RBMS3: variants seen among roughly 807,000 people sequenced by gnomAD.
RBMS3 encodes the protein RNA binding motif single stranded interacting protein 3.
RBMS3 carries 27 observed loss-of-function variants against 66.8 expected under a neutral mutation model. The ratio of observed to expected loss-of-function variants is 0.40; its 90% confidence interval spans 0.30 to 0.56. RBMS3 has a LOEUF of 0.56. Among genes scored for constraint, RBMS3 ranks in the 20% least tolerant of loss-of-function variants. The probability of loss-of-function intolerance (pLI) is 0.40; values close to 1 mark genes in which losing one functional copy is unlikely to be tolerated. For synonymous variants in RBMS3, 188 were observed against 183.0 expected (o/e 1.03, Z -0.22); for missense variants, 513 against 549.5 (o/e 0.93, Z 0.66).
intron 8 of RBMS3, among the ~76,000 whole-genome samples, chr3:29,886,289 T>G (rs2059868430): frequency 6.6e-6 from 1 of 151,898 alleles, no homozygotes. Context: ...TATGGATTAT[T>G]TCATTTATTT....
At chr3:29,400,672 G>T (rs2039769074) in intron 1 of RBMS3, among the ~76,000 whole-genome samples, 1 of 151,978 alleles carries the variant, frequency 6.6e-6, no homozygotes, top group Non-Finnish European at 1.5e-5. Context: ...CTTAAACCAG[G>T]TGGCATAGTG....
intron 5 of RBMS3, 91 bp from the exon 6 acceptor site, chr3:29,762,819 G>A: frequency 2.3e-6 from 2 of 884,886 alleles, no homozygotes; most frequent in Non-Finnish European, 3.5e-6. Flanking sequence ...CTCAAATCAA[G>A]TATTTCTATG....
chr3:29,288,482 A>G (rs1158737577), intron 1 of RBMS3, among the ~76,000 whole-genome samples: 1 of 151,950 alleles, frequency 6.6e-6, no homozygotes, highest in African/African-American at 2.4e-5. Context: ...TTCCAGCTTT[A>G]TTGTGGTGGT....
chr3:29,284,904 G>T (rs1440951390), intron 1 of RBMS3, among the ~76,000 whole-genome samples: 1 of 130,008 alleles, frequency 7.7e-6, no homozygotes, highest in East Asian at 2.2e-4. Context: ...GCAATTTCAA[G>T]GAGGAACATT....
At chr3:29,634,475 T>G (rs1200997692) in intron 4 of RBMS3, among the ~76,000 whole-genome samples, 1 of 151,820 alleles carries the variant, frequency 6.6e-6, no homozygotes, top group Non-Finnish European at 1.5e-5. Context: ...CAAGCCTTGT[T>G]TTTCTGGAAA....
intron 4 of RBMS3, among the ~76,000 whole-genome samples, chr3:29,676,423 A>T (rs868267551): frequency 6.6e-6 from 1 of 152,342 alleles, no homozygotes; most frequent in South Asian, 2.1e-4. Context: ...TTAAAGTATA[A>T]TAAATAAATT....
intron 4 of RBMS3, among the ~76,000 whole-genome samples, chr3:29,686,310 T>C (rs971607597): frequency 2.0e-5 from 3 of 152,216 alleles, no homozygotes; most frequent in Non-Finnish European, 4.4e-5. Flanking sequence ...TTATTAGATC[T>C]TTTTAGGCTT....
intron 6 of RBMS3, among the ~76,000 whole-genome samples, chr3:29,814,314 C>T (rs1255041834): frequency 6.6e-6 from 1 of 152,178 alleles, no homozygotes; most frequent in Non-Finnish European, 1.5e-5. Context: ...ACCAGCCTTG[C>T]ATCCCAGGGA....
intron 1 of RBMS3, among the ~76,000 whole-genome samples, chr3:29,285,230 G>T (rs2032206290): frequency 7.1e-6 from 1 of 140,982 alleles, no homozygotes; most frequent in Admixed American, 7.2e-5. Context: ...GTACTTGCCG[G>T]GGTGGGGTGG....
chr3:29,853,604 T>G (rs35173747), intron 6 of RBMS3, among the ~76,000 whole-genome samples: 1 of 151,602 alleles, frequency 6.6e-6, no homozygotes, highest in African/African-American at 2.4e-5. Context: ...ACTTCTTTAC[T>G]TCCTGTTTTT....
intron 4 of RBMS3, among the ~76,000 whole-genome samples, chr3:29,595,234 T>G (rs1971923): frequency 0.15 from 22,568 of 151,352 alleles, 1,925 homozygotes; most frequent in East Asian, 0.32. Context: ...CTGTCTCTAC[T>G]AAAAATACAA....
At chr3:29,455,977 C>T in intron 2 of RBMS3, among the ~76,000 whole-genome samples, 1 of 152,170 alleles carries the variant, frequency 6.6e-6, no homozygotes, top group East Asian at 1.9e-4. Flanking sequence ...TACATGTCGT[C>T]AAGTGACCTC....
chr3:29,487,537 C>T (rs2043368934), intron 2 of RBMS3, among the ~76,000 whole-genome samples: 1 of 152,132 alleles, frequency 6.6e-6, no homozygotes, highest in Non-Finnish European at 1.5e-5. Flanking sequence ...CCCCCTTCCA[C>T]TTCTCATCAT....
At chr3:29,667,170 G>GCTATGGCAATTATTGGT (rs1340771551) in intron 4 of RBMS3, among the ~76,000 whole-genome samples, 2 of 152,138 alleles carry the variant, frequency 1.3e-5, no homozygotes, top group African/African-American at 4.8e-5. Context: ...GGTGATAATT[G>GCTATGGCAATTATTGGT]GACAAGCTAT....
chr3:29,484,905 A>C (rs1437709985), intron 2 of RBMS3, among the ~76,000 whole-genome samples: 1 of 152,214 alleles, frequency 6.6e-6, no homozygotes, highest in East Asian at 1.9e-4. Context: ...GGCATGTGAA[A>C]AATGAGTTAG....
At chr3:29,780,332 A>T (rs957430139) in intron 6 of RBMS3, among the ~76,000 whole-genome samples, 3 of 150,770 alleles carry the variant, frequency 2.0e-5, no homozygotes, top group Non-Finnish European at 3.0e-5. Context: ...AAAAAAAAAA[A>T]TTTGAGTGAA....
At position 29,358,171 on chromosome 3, in the gene RBMS3, G is replaced by A. The variant is rs112281300; in HGVS notation, c.75+76415G>A. ...CTAGGTTTTCCTCTAGAGATTTTAT[G>A]GTTTTAGGTCTAAGATTTAAGTCTT... On this transcript the variant is annotated intron_variant, in intron 1 of 14. Transcript: ENST00000383767. Among the ~76,000 whole-genome samples the A allele has an allele frequency of 9.8e-3, 1,494 of 152,138 alleles. 10 individuals are homozygous for A. Among genetic ancestry groups the A allele is most frequent in the Non-Finnish European group, 0.015 (1,014 of 67,984 alleles).
intron 1 of RBMS3, among the ~76,000 whole-genome samples, chr3:29,343,778 T>C (rs1478643990): frequency 1.3e-5 from 2 of 152,204 alleles, no homozygotes; most frequent in Non-Finnish European, 2.9e-5. Context: ...CTGCTGCTTT[T>C]GATCCTAAGG....
intron 2 of RBMS3, among the ~76,000 whole-genome samples, chr3:29,487,561 C>T (rs975349881): frequency 1.3e-5 from 2 of 151,900 alleles, no homozygotes; most frequent in Non-Finnish European, 2.9e-5. Flanking sequence ...CAGAGAATGC[C>T]GAGGGCTGGA....
Sources: allele counts gnomAD v4.1 joint callset (sites outside exome capture counted in the v4.1 genomes callset), GRCh38; gene constraint gnomAD v4.1.1; transcripts MANE v1.5; gene names NCBI Gene and HGNC (gene_info 2026-07-23, HGNC 2026-07-21).